PIP5K1B: variants seen among roughly 807,000 people sequenced by gnomAD.
PIP5K1B encodes phosphatidylinositol 4-phosphate 5-kinase type-1 beta.
In PIP5K1B, 42 loss-of-function variants were observed where a neutral mutation model predicts 67.0. The ratio of observed to expected loss-of-function variants is 0.63; its 90% confidence interval spans 0.49 to 0.81. PIP5K1B has a LOEUF of 0.81. PIP5K1B is among the 30% of genes least tolerant of loss of function. The pLI is 0.00. For synonymous variants in PIP5K1B, 214 were observed against 231.4 expected, an observed-to-expected ratio of 0.92 and a Z score of 0.68; for missense variants, 459 against 646.3, an observed-to-expected ratio of 0.71 and a Z score of 3.14.
At chr9:68,982,930 A>G (rs969819554) in intron 14 of PIP5K1B, among the ~76,000 whole-genome samples, 12 of 152,134 alleles carry the variant, frequency 7.9e-5, no homozygotes, top group African/African-American at 2.7e-4. Context: ...ACATGCACAT[A>G]CATACTCCTG....
At position 68,794,164 on chromosome 9, in the gene PIP5K1B, T is replaced by C. The variant is rs138946724; in HGVS notation, c.-85-24297T>C. Among the ~76,000 whole-genome samples, 154 of 152,298 alleles carry C rather than the reference T, an allele frequency of 1.0e-3. 2 individuals carry two copies. The highest frequency in any genetic ancestry group is 3.4e-3 in the Middle Eastern group (1 of 294). On this transcript the variant is annotated intron_variant, in intron 2 of 15. Transcript: ENST00000265382. ...TGGAGTGGTGCAGTTGGAGCCTGAC[T>C]TGAGTGGAGTTAAGATAGAATACAG...
intron 4 of PIP5K1B, among the ~76,000 whole-genome samples, chr9:68,839,623 AG>A (rs1281358187): frequency 1.3e-5 from 2 of 152,220 alleles, no homozygotes; most frequent in Non-Finnish European, 2.9e-5. Flanking sequence ...TGAATACAAC[AG>A]AAAATTATCA....
intron 4 of PIP5K1B, among the ~76,000 whole-genome samples, chr9:68,835,428 G>A (rs1411660045): frequency 1.3e-5 from 2 of 152,214 alleles, no homozygotes; most frequent in Non-Finnish European, 2.9e-5. Context: ...TATGGCTTGA[G>A]TATTAAATCT....
At chr9:68,761,970 A>G (rs547444785) in intron 2 of PIP5K1B, among the ~76,000 whole-genome samples, 1 of 152,196 alleles carries the variant, frequency 6.6e-6, no homozygotes, top group South Asian at 2.1e-4. Context: ...TTAACCAATA[A>G]TTGCAGAGCT....
intron 1 of PIP5K1B, among the ~76,000 whole-genome samples, chr9:68,723,697 T>A (rs920873463): frequency 3.8e-5 from 1 of 26,474 alleles, no homozygotes; most frequent in Non-Finnish European, 6.5e-5. Context: ...AGTATTTGGT[T>A]TTTTTTTTTT....
intron 1 of PIP5K1B, among the ~76,000 whole-genome samples, chr9:68,713,840 T>G (rs900494681): frequency 6.6e-6 from 1 of 152,204 alleles, no homozygotes; most frequent in African/African-American, 2.4e-5. Flanking sequence ...GAGAGCTTAC[T>G]CTGTTCCAGG....
chr9:68,803,299 A>G (rs1832702113), intron 2 of PIP5K1B, among the ~76,000 whole-genome samples: 1 of 152,238 alleles, frequency 6.6e-6, no homozygotes, highest in South Asian at 2.1e-4. Context: ...TGAGCTCAAG[A>G]AAGTCTGGGC....
At chr9:68,965,943 C>A (rs1221032211) in intron 14 of PIP5K1B, among the ~76,000 whole-genome samples, 1 of 140,390 alleles carries the variant, frequency 7.1e-6, no homozygotes, top group African/African-American at 2.7e-5. Context: ...CACTGCACTC[C>A]AACCTGGGTG....
intron 13 of PIP5K1B, among the ~76,000 whole-genome samples, chr9:68,938,547 A>G (rs758268039): frequency 6.6e-6 from 1 of 152,142 alleles, no homozygotes; most frequent in Non-Finnish European, 1.5e-5. Context: ...GACTCTATCC[A>G]ATTTGCCAGT....
At chr9:68,946,797 T>C (rs1325736180) in intron 14 of PIP5K1B, among the ~76,000 whole-genome samples, 1 of 152,214 alleles carries the variant, frequency 6.6e-6, no homozygotes, top group African/African-American at 2.4e-5. Flanking sequence ...TGCGTCTTGC[T>C]AAATCATCCC....
intron 2 of PIP5K1B, among the ~76,000 whole-genome samples, chr9:68,809,930 G>T (rs1368392187): frequency 6.6e-6 from 1 of 152,114 alleles, no homozygotes; most frequent in Non-Finnish European, 1.5e-5. Context: ...TGTCATTATG[G>T]CCCCGGGCCT....
At chr9:68,840,254 G>A (rs1381561085) in intron 4 of PIP5K1B, among the ~76,000 whole-genome samples, 2 of 152,074 alleles carry the variant, frequency 1.3e-5, no homozygotes, top group Admixed American at 1.3e-4. Flanking sequence ...GCGCATGCCT[G>A]TAATCCCAGC....
intron 15 of PIP5K1B, among the ~76,000 whole-genome samples, chr9:69,003,384 A>G (rs1830911918): frequency 6.6e-6 from 1 of 151,892 alleles, no homozygotes; most frequent in Non-Finnish European, 1.5e-5. Context: ...TCAACTTGAA[A>G]CCAAAGTGAG....
At chr9:68,816,265 A>G (rs1264900531) in intron 2 of PIP5K1B, among the ~76,000 whole-genome samples, 1 of 152,082 alleles carries the variant, frequency 6.6e-6, no homozygotes, top group Non-Finnish European at 1.5e-5. Flanking sequence ...AGTAGCTGGG[A>G]TTACAGGCAC....
At position 68,889,750 on chromosome 9, in the gene PIP5K1B, A is replaced by G. The variant is rs968305680; in HGVS notation, c.471+617A>G. On this transcript the variant is annotated intron_variant, in intron 7 of 15. Transcript: ENST00000265382. ...ACTCCTTCTCAAAAAAAAAAAAAAA[A>G]AAAAGCTGGGAAATACTTATCTTAC... is the stretch of plus-strand genomic sequence containing the variant. Among the ~76,000 whole-genome samples, 3 of 152,086 alleles carry G rather than the reference A, an allele frequency of 2.0e-5. No individual in the cohort carries two copies. In the East Asian group the frequency reaches 5.8e-4, roughly 29 times the overall value.
intron 14 of PIP5K1B, among the ~76,000 whole-genome samples, chr9:68,946,737 C>T (rs1827823232): frequency 6.6e-6 from 1 of 152,236 alleles, no homozygotes; most frequent in East Asian, 1.9e-4. Context: ...GCCTTGCAAA[C>T]AGACCTTCCT....
chr9:68,902,907 G>C (rs1251521661), intron 8 of PIP5K1B, among the ~76,000 whole-genome samples: 1 of 152,206 alleles, frequency 6.6e-6, no homozygotes, highest in East Asian at 1.9e-4. Context: ...ATATAGAAAA[G>C]AGTGGTGAAA....
At chr9:68,849,025 T>C (rs1333433976) in intron 4 of PIP5K1B, among the ~76,000 whole-genome samples, 3 of 152,204 alleles carry the variant, frequency 2.0e-5, no homozygotes, top group Non-Finnish European at 2.9e-5. Context: ...TTGGTGAGTA[T>C]GTAAATTGAT....
chr9:68,999,656 A>G (rs1830732707), intron 15 of PIP5K1B, among the ~76,000 whole-genome samples: 1 of 152,012 alleles, frequency 6.6e-6, no homozygotes, highest in South Asian at 2.1e-4. Flanking sequence ...GAATTCTTGT[A>G]TGCTAATGTA....
Sources: allele counts gnomAD v4.1 joint callset (sites outside exome capture counted in the v4.1 genomes callset), GRCh38; gene constraint gnomAD v4.1.1; transcripts MANE v1.5; gene names NCBI Gene and HGNC (gene_info 2026-07-23, HGNC 2026-07-21).